FSIP1: variants seen among roughly 807,000 people sequenced by gnomAD.
FSIP1 encodes the protein fibrous sheath-interacting protein 1.
Under a neutral mutation model 60.9 loss-of-function variants are expected in FSIP1, and 65 were observed. The ratio of observed to expected loss-of-function variants is 1.07; its 90% CI spans 0.87 to 1.31. FSIP1 has a LOEUF of 1.31. Among genes scored for constraint, FSIP1 ranks in the 40% most tolerant of loss-of-function variants. The probability of loss-of-function intolerance (pLI) is 0.00; values close to 1 mark genes in which losing one functional copy is unlikely to be tolerated. For synonymous variants in FSIP1, 209 were observed against 221.2 expected (o/e 0.94, Z 0.49); for missense variants, 675 against 665.5 (o/e 1.01, Z -0.16).
rs147948072 is a variant in FSIP1, at chr15:39,707,973, TG to T, written c.1188+5470del. Among the ~76,000 whole-genome samples, 521 of 152,328 alleles carry T rather than the reference TG, an allele frequency of 3.4e-3. 5 individuals are homozygous for T. Among genetic ancestry groups the T allele is most frequent in the African/African-American group, 0.012 (479 of 41,576 alleles). On this transcript the variant is annotated intron_variant, in intron 10 of 11. Coordinates refer to ENST00000350221, the MANE Select transcript of FSIP1 (RefSeq NM_152597.5). ...ACAGAAAACTACTCTCTTGTTTGTC[TG>T]GTTTGAAGTACCAGAGACAAACATC...
chr15:39,766,771 C>T (rs75088913), intron 3 of FSIP1, among the ~76,000 whole-genome samples: 2,434 of 152,266 alleles, frequency 0.016, 82 homozygotes, highest in African/African-American at 0.055. Flanking sequence ...CTAAGTAAGG[C>T]CAAATTTATC....
At chr15:39,758,158 A>T (rs527944432) in intron 5 of FSIP1, among the ~76,000 whole-genome samples, 5 of 152,254 alleles carry the variant, frequency 3.3e-5, no homozygotes, top group African/African-American at 9.6e-5. Flanking sequence ...GCATAGATTT[A>T]AGTCAAATAT....
chr15:39,749,152 G>A (rs1171158902), intron 5 of FSIP1, among the ~76,000 whole-genome samples: 5 of 149,836 alleles, frequency 3.3e-5, no homozygotes, highest in Admixed American at 2.7e-4. Flanking sequence ...AGAGATTGAA[G>A]TAGTAATTAA....
intron 10 of FSIP1, among the ~76,000 whole-genome samples, chr15:39,634,852 C>A (rs770140263): frequency 2.0e-5 from 3 of 152,102 alleles, no homozygotes; most frequent in Non-Finnish European, 4.4e-5. Flanking sequence ...TATCTTACTC[C>A]CAGGATCCTA....
chr15:39,671,791 T>C (rs997072506), intron 10 of FSIP1, among the ~76,000 whole-genome samples: 1 of 152,246 alleles, frequency 6.6e-6, no homozygotes, highest in Non-Finnish European at 1.5e-5. Context: ...TATCTAAATA[T>C]TCCTGCTCCA....
chr15:39,698,801 G>A (rs956632853), intron 10 of FSIP1, among the ~76,000 whole-genome samples: 1 of 152,200 alleles, frequency 6.6e-6, no homozygotes, highest in Middle Eastern at 3.2e-3. Context: ...TTCTCCCAGT[G>A]CACCAGGAGG....
intron 10 of FSIP1, among the ~76,000 whole-genome samples, chr15:39,655,585 A>ATCATGGCTCCAAAAC (rs1893038996): frequency 6.6e-6 from 1 of 152,220 alleles, no homozygotes; most frequent in Admixed American, 6.5e-5. Flanking sequence ...GGCTCTGAAA[A>ATCATGGCTCCAAAAC]TCATGGCTCC....
intron 11 of FSIP1, among the ~76,000 whole-genome samples, chr15:39,601,769 G>T (rs1890648755): frequency 2.0e-5 from 3 of 152,164 alleles, no homozygotes; most frequent in African/African-American, 7.2e-5. Context: ...GAATCTTGAA[G>T]ACATAATGTA....
chr15:39,674,204 A>G (rs577388511), intron 10 of FSIP1, among the ~76,000 whole-genome samples: 57 of 152,046 alleles, frequency 3.7e-4, no homozygotes, highest in African/African-American at 6.8e-4. Context: ...ACAGGCACCC[A>G]CCACCACACC....
intron 7 of FSIP1, among the ~76,000 whole-genome samples, 198 bp from the exon 8 acceptor site, chr15:39,738,399 T>C (rs1402412484): frequency 5.3e-5 from 8 of 152,072 alleles, no homozygotes; most frequent in Non-Finnish European, 1.5e-5. Flanking sequence ...AAAGATATTA[T>C]CCCTATAAGC....
In FSIP1 at chr15:39,773,815, GAA is replaced by G. The variant is rs760606235; in HGVS notation, c.126+2582_126+2583del. Among the ~76,000 whole-genome samples, 55 of 152,170 alleles carry G rather than the reference GAA, an allele frequency of 3.6e-4. 1 individual carries two copies. Among genetic ancestry groups the G allele is most frequent in the Non-Finnish European group, 1.5e-4 (10 of 68,030 alleles). ...ATACAAACTTCTGGAAAAGGAAAAA[GAA>G]GAGAGACAGGGAATAGATCAGTAAT... is the stretch of plus-strand genomic sequence containing the variant. On this transcript the variant is annotated intron_variant, in intron 2 of 11. Coordinates refer to ENST00000350221, the MANE Select transcript of FSIP1 (RefSeq NM_152597.5).
At chr15:39,688,015 AAG>A (rs1436087369) in intron 10 of FSIP1, among the ~76,000 whole-genome samples, 1 of 152,174 alleles carries the variant, frequency 6.6e-6, no homozygotes, top group Admixed American at 6.5e-5. Flanking sequence ...TTATTAGGCT[AAG>A]GGGCCTGCCA....
At chr15:39,673,761 A>G (rs903860723) in intron 10 of FSIP1, among the ~76,000 whole-genome samples, 12 of 152,186 alleles carry the variant, frequency 7.9e-5, no homozygotes, top group Non-Finnish European at 1.3e-4. Context: ...GAACTAGAAC[A>G]TTAAAAATTT....
At chr15:39,632,224 C>T (rs771966583) in intron 10 of FSIP1, among the ~76,000 whole-genome samples, 7 of 152,152 alleles carry the variant, frequency 4.6e-5, no homozygotes, top group Non-Finnish European at 8.8e-5. Context: ...GTCACCCAGG[C>T]TGGAGTGCAG....
intron 1 of FSIP1, among the ~76,000 whole-genome samples, chr15:39,778,679 A>T (rs1393951567): frequency 6.6e-6 from 1 of 152,238 alleles, no homozygotes; most frequent in African/African-American, 2.4e-5. Flanking sequence ...TTAACCAAAT[A>T]TTATGCCTTA....
At chr15:39,752,309 T>C (rs1897187470) in intron 5 of FSIP1, among the ~76,000 whole-genome samples, 2 of 152,022 alleles carry the variant, frequency 1.3e-5, no homozygotes, top group Admixed American at 1.3e-4. Flanking sequence ...TCTCTTCCTA[T>C]GGTTAGCAAG....
At chr15:39,619,274 A>G (rs990919810) in intron 10 of FSIP1, among the ~76,000 whole-genome samples, 2 of 152,206 alleles carry the variant, frequency 1.3e-5, no homozygotes, top group Non-Finnish European at 2.9e-5. Context: ...AAATACTAAT[A>G]TGTAAAACAA....
At chr15:39,672,558 C>A (rs1257089839) in intron 10 of FSIP1, among the ~76,000 whole-genome samples, 1 of 152,168 alleles carries the variant, frequency 6.6e-6, no homozygotes, top group Non-Finnish European at 1.5e-5. Context: ...AAGGGAAAAT[C>A]AGATCAGTGG....
At chr15:39,644,535 C>T (rs1031060374) in intron 10 of FSIP1, among the ~76,000 whole-genome samples, 6 of 152,080 alleles carry the variant, frequency 3.9e-5, no homozygotes, top group African/African-American at 1.4e-4. Flanking sequence ...AGGGGAGAGA[C>T]CTTTGTTTTA....
Sources: gnomAD v4.1 joint callset for allele counts (sites outside exome capture counted in the v4.1 genomes callset) on GRCh38, gnomAD v4.1.1 for gene constraint, MANE v1.5 for transcripts, NCBI Gene and HGNC (gene_info 2026-07-23, HGNC 2026-07-21) for gene names.